Variants in CACNA1E observed in about 807,000 individuals in gnomAD.
CACNA1E encodes calcium voltage-gated channel subunit alpha1 E, also known as voltage-dependent R-type calcium channel subunit alpha-1E.
Under a neutral mutation model 259.2 loss-of-function variants are expected in CACNA1E, and 40 were observed. The observed-to-expected ratio is 0.15, with a 90% CI of 0.12 to 0.20. CACNA1E has a LOEUF of 0.20. Among genes scored for constraint, CACNA1E ranks in the 10% least tolerant of loss-of-function variants. The pLI is 1.00. For synonymous variants in CACNA1E, 1,104 were observed against 1,138.5 expected (o/e 0.97, Z 0.61); for missense variants, 1,874 against 3,040.1 (o/e 0.62, Z 9.02).
At chr1:181,767,427 A>C (rs1176446427) in intron 35 of CACNA1E, among the ~76,000 whole-genome samples, 1 of 152,116 alleles carries the variant, frequency 6.6e-6, no homozygotes, top group Non-Finnish European at 1.5e-5. Context: ...TCTGACTTGG[A>C]GATATTGTGA....
intron 9 of CACNA1E, among the ~76,000 whole-genome samples, chr1:181,715,781 G>C (rs1653829545): frequency 6.6e-6 from 1 of 152,190 alleles, no homozygotes; most frequent in African/African-American, 2.4e-5. Flanking sequence ...CGGAGTGCCT[G>C]TTTACCTCCT....
rs1386404398 is a variant in CACNA1E at position 181,796,856 on chromosome 1, C to G, written c.6397C>G (p.Gln2133Glu). 1.1e-5 allele frequency: 17 copies of G among 1,586,648 alleles called. No individual in the cohort carries two copies. The highest frequency in any genetic ancestry group is 1.5e-5 in the Non-Finnish European group (17 of 1,164,642). The change falls in exon 47 of 48, where the codon CAG (glutamine) becomes GAG (glutamate). Residue 2133 changes from glutamine to glutamate, a missense_variant and splice_region_variant. Physicochemically the swap from Gln to Glu is conservative, Grantham distance 29. Around this residue, in one of 14 missense-constraint regions of CACNA1E, gnomAD observed 542 missense variants for 587.2 expected, o/e 0.92. Transcript: ENST00000367573. ...SEGRSQTPNR[Q>E]GTGSLSESSI... ...GGGCAGGTCACAGACGCCCAACAGA[C>G]AGGTGAGCGCAGAGAGGAAGCCAGT...
At position 181,808,055 on chromosome 1, in the gene CACNA1E, T is replaced by C. The variant is rs1662746646; in HGVS notation, c.*9221T>C. On this transcript the variant is annotated 3_prime_UTR_variant, in exon 48 of 48. Transcript: ENST00000367573. ...AGTTTTCCACAGGCTAATGGCACTA[T>C]GAAACAGATATAAAGAAAAATAGAC... 1 of 152,226 alleles carries C rather than the reference T, an allele frequency of 6.6e-6. No individual in the cohort carries two copies. Among genetic ancestry groups the C allele is most frequent in the Admixed American group, 6.5e-5 (1 of 15,286 alleles). 9.4% of individuals were successfully genotyped at this position (152,226 alleles called of 1,614,324 possible). A position where few individuals can be genotyped will look rare whatever the true frequency, so the allele number is the denominator to read the frequency against.
At chr1:181,489,110 C>T (rs1664092110) in intron 1 of CACNA1E, among the ~76,000 whole-genome samples, 1 of 152,220 alleles carries the variant, frequency 6.6e-6, no homozygotes. Context: ...GCTCACCAAA[C>T]ACCAAAGCCC....
chr1:181,746,262 G>A (rs960854661), intron 25 of CACNA1E, among the ~76,000 whole-genome samples: 1 of 152,228 alleles, frequency 6.6e-6, no homozygotes. Flanking sequence ...GGCACTGCCA[G>A]TGCAAAAGGG....
intron 6 of CACNA1E, among the ~76,000 whole-genome samples, chr1:181,628,728 A>G (rs1183613177): frequency 2.0e-5 from 3 of 152,182 alleles, no homozygotes; most frequent in Non-Finnish European, 1.5e-5. Context: ...GGAACCAGGC[A>G]TGTTCTTGAA....
chr1:181,459,283 G>A (rs1661656937), intron 2 of CACNA1E, among the ~76,000 whole-genome samples: 1 of 152,250 alleles, frequency 6.6e-6, no homozygotes, highest in Non-Finnish European at 1.5e-5. Context: ...CCTCAAGGAG[G>A]GCAGTTGAGA....
intron 44 of CACNA1E, among the ~76,000 whole-genome samples, chr1:181,792,319 G>A (rs922122818): frequency 6.6e-6 from 1 of 152,190 alleles, no homozygotes; most frequent in African/African-American, 2.4e-5. Flanking sequence ...ACCAGTGTCT[G>A]TAATTCAATT....
At chr1:181,350,320 G>A (rs1190431370) in intron 1 of CACNA1E, among the ~76,000 whole-genome samples, 3 of 152,180 alleles carry the variant, frequency 2.0e-5, no homozygotes, top group South Asian at 2.1e-4. Flanking sequence ...AGAGCCCTCC[G>A]TCATCCAGAG....
chr1:181,412,555 T>A (rs992940110), intron 1 of CACNA1E, among the ~76,000 whole-genome samples: 1 of 149,922 alleles, frequency 6.7e-6, no homozygotes, highest in Non-Finnish European at 1.5e-5. Context: ...GGGTGACAGA[T>A]CCTATCTCAA....
At chr1:181,433,104 C>T (rs113278965) in intron 2 of CACNA1E, among the ~76,000 whole-genome samples, 16 of 152,262 alleles carry the variant, frequency 1.1e-4, no homozygotes, top group African/African-American at 3.1e-4. Flanking sequence ...ATGGTGCTGC[C>T]CTCCAGAGCT....
intron 3 of CACNA1E, among the ~76,000 whole-genome samples, chr1:181,518,138 G>A (rs1422116284): frequency 1.3e-5 from 2 of 152,210 alleles, no homozygotes; most frequent in Non-Finnish European, 2.9e-5. Context: ...TGGGGAAACC[G>A]AGGCTGAGTG....
chr1:181,480,641 G>T (rs2102450809), upstream of CACNA1E, among the ~76,000 whole-genome samples: 1 of 152,328 alleles, frequency 6.6e-6, no homozygotes, highest in East Asian at 1.9e-4. Flanking sequence ...CAAGAACTAA[G>T]TCTGGGAAGT....
At chr1:181,669,068 A>T (rs192824900) in intron 7 of CACNA1E, 38 of 152,332 alleles carry the variant, frequency 2.5e-4, no homozygotes, top group African/African-American at 8.9e-4. Flanking sequence ...TTATTAAATC[A>T]TGTTTTTAAA....
rs760008234 is a variant in CACNA1E at position 181,711,053 on chromosome 1, C to G, written c.1155C>G (p.Ala385=). The G allele has an allele frequency of 6.2e-7, 1 of 1,613,260 alleles. No individual in the cohort carries two copies. The highest frequency in any genetic ancestry group is 8.5e-7 in the Non-Finnish European group (1 of 1,179,300). Residue 385 remains alanine, a synonymous_variant, in exon 8 of 48, where the codon GCC becomes GCG. Coordinates refer to ENST00000367573, the MANE Select transcript of CACNA1E (RefSeq NM_001205293.3). ...QIERELNGYR[A]WIDKAEEVML... is the part of the protein sequence containing the mutation. ...AGCGTGAGCTGAATGGCTACCGTGCCTGGATAGACAAAGCAGGTAGGCCTG... is the reference window on the plus strand; with the variant it reads ...AGCGTGAGCTGAATGGCTACCGTGCGTGGATAGACAAAGCAGGTAGGCCTG...
chr1:181,351,498 A>T (rs182495021), intron 1 of CACNA1E, among the ~76,000 whole-genome samples: 40 of 152,340 alleles, frequency 2.6e-4, no homozygotes, highest in African/African-American at 7.9e-4. Context: ...CTAACAAATT[A>T]CTACAAACTT....
At chr1:181,514,108 T>G (rs1361293000) in intron 3 of CACNA1E, among the ~76,000 whole-genome samples, 1 of 152,188 alleles carries the variant, frequency 6.6e-6, no homozygotes, top group African/African-American at 2.4e-5. Flanking sequence ...TGCGGTTCTA[T>G]CCCACAGGAA....
At chr1:181,755,100 A>C (rs1463442553) in intron 27 of CACNA1E, 137 bp from the exon 28 acceptor site, 2 of 613,992 alleles carry the variant, frequency 3.3e-6, no homozygotes, top group Admixed American at 6.5e-5. Context: ...GCACCACCTC[A>C]CCTCTTAGCA....
rs949837431 is a variant in CACNA1E at position 181,649,521 on chromosome 1, A to G, written c.952-1817A>G. Among the ~76,000 whole-genome samples the G allele has an allele frequency of 6.6e-5, 10 of 152,230 alleles. No individual in the cohort carries two copies. In the East Asian group the frequency reaches 1.7e-3, roughly 26 times the overall value. ...GGGTTTGCTTACAACCCAAAGGAAT[A>G]TAAATCATTCGGTTATAAAAACACA... On this transcript the variant is annotated intron_variant, in intron 6 of 47. Transcript: ENST00000367573.
Sources: gnomAD v4.1 joint callset for allele counts (sites outside exome capture counted in the v4.1 genomes callset) on GRCh38, gnomAD v4.1.1 for gene constraint, gnomAD v4.1.1 regional missense constraint, MANE v1.5 for transcripts, NCBI Gene and HGNC (gene_info 2026-07-23, HGNC 2026-07-21) for gene names.